RIMS2: variants seen among roughly 807,000 people sequenced by gnomAD.
RIMS2 encodes the protein regulating synaptic membrane exocytosis 2, also known as regulating synaptic membrane exocytosis protein 2.
Under a neutral mutation model 174.4 loss-of-function variants are expected in RIMS2, and 59 were observed. The observed-to-expected ratio is 0.34, with a 90% CI of 0.27 to 0.42. The LOEUF is 0.42. RIMS2 is among the 10% of genes least tolerant of loss of function. The pLI is 1.00. For synonymous variants in RIMS2, 606 were observed against 572.5 expected (o/e 1.06, Z -0.84); for missense variants, 1,620 against 1,666.3 (o/e 0.97, Z 0.48).
At chr8:103,750,006 AT>A (rs912000561) in intron 2 of RIMS2, among the ~76,000 whole-genome samples, 13 of 151,488 alleles carry the variant, frequency 8.6e-5, no homozygotes, top group African/African-American at 2.2e-4. Context: ...CCTCCAAGTA[AT>A]TTTTTTTTAA....
At chr8:103,839,236 G>C (rs2098924751) in intron 3 of RIMS2, among the ~76,000 whole-genome samples, 1 of 152,052 alleles carries the variant, frequency 6.6e-6, no homozygotes, top group Admixed American at 6.6e-5. Context: ...TTGACTTTTT[G>C]TTCTCATTGT....
At chr8:103,610,898 G>T (rs1181801840) in intron 1 of RIMS2, among the ~76,000 whole-genome samples, 2 of 152,166 alleles carry the variant, frequency 1.3e-5, no homozygotes, top group African/African-American at 2.4e-5. Flanking sequence ...AATAGGAATG[G>T]TATCAACTCT....
chr8:103,834,728 CTTTCTTTCTTTCT>C (rs2098854102), intron 3 of RIMS2, among the ~76,000 whole-genome samples: 1 of 120,948 alleles, frequency 8.3e-6, no homozygotes, highest in Non-Finnish European at 1.7e-5. Context: ...TTCTTTCTTT[CTTTCTTTCTTTCT>C]TTCTCTCTCT....
intron 14 of RIMS2, among the ~76,000 whole-genome samples, chr8:103,954,066 T>C (rs2086320319): frequency 6.6e-6 from 1 of 152,178 alleles, no homozygotes. Flanking sequence ...ATTCTAACAA[T>C]ATATGCATCC....
At chr8:104,079,129 C>T (rs2097356743) in intron 19 of RIMS2, among the ~76,000 whole-genome samples, 1 of 151,844 alleles carries the variant, frequency 6.6e-6, no homozygotes, top group Non-Finnish European at 1.5e-5. Flanking sequence ...AAAACAGCAA[C>T]TTGTATATTA....
chr8:104,069,292 G>C, intron 19 of RIMS2, among the ~76,000 whole-genome samples: 1 of 152,050 alleles, frequency 6.6e-6, no homozygotes, highest in East Asian at 1.9e-4. Context: ...AACTTACAGT[G>C]GGTTCATTGG....
chr8:103,863,950 C>A (rs2099072489), intron 3 of RIMS2, among the ~76,000 whole-genome samples: 1 of 148,168 alleles, frequency 6.7e-6, no homozygotes, highest in Non-Finnish European at 1.5e-5. Context: ...GCTCTGTCGT[C>A]CAGGCAGGAG....
chr8:104,106,643 A>G (rs2098073228), intron 19 of RIMS2, among the ~76,000 whole-genome samples: 1 of 152,198 alleles, frequency 6.6e-6, no homozygotes, highest in South Asian at 2.1e-4. Flanking sequence ...TAGAGAAATC[A>G]TGAAATTGGA....
At chr8:104,199,424 G>T (rs2099042982) in intron 19 of RIMS2, among the ~76,000 whole-genome samples, 1 of 152,298 alleles carries the variant, frequency 6.6e-6, no homozygotes, top group Admixed American at 6.5e-5. Flanking sequence ...ATGTTAAGAT[G>T]TAAAGGGAGG....
chr8:103,935,477 G>C (rs756476058), intron 12 of RIMS2, among the ~76,000 whole-genome samples: 1 of 152,146 alleles, frequency 6.6e-6, no homozygotes, highest in Non-Finnish European at 1.5e-5. Context: ...AGAAGAAGTT[G>C]CATTACTTCC....
Position 104,093,340 on chromosome 8 carries a change from T to G in RIMS2, c.3334+78725T>G. The G allele has an allele frequency of 5.1e-6, 3 of 588,728 alleles. No homozygotes were observed. The South Asian group carries it at 8.5e-5, about 17-fold the overall frequency. 36.5% of individuals were successfully genotyped at this position (588,728 alleles called of 1,614,324 possible). ...AGGATAATTGCCATTCACTTTTGTT[T>G]TATATGCAACTGAGTGGGATTTTGC... On this transcript the variant is annotated intron_variant, in intron 19 of 23. Transcript: ENST00000504942.
At chr8:104,247,702 T>G (rs927366874) in intron 20 of RIMS2, among the ~76,000 whole-genome samples, 1 of 152,142 alleles carries the variant, frequency 6.6e-6, no homozygotes, top group Non-Finnish European at 1.5e-5. Flanking sequence ...GTGTTTGCAG[T>G]CGGGGGACAG....
chr8:103,855,769 A>T (rs2154494809), intron 3 of RIMS2, among the ~76,000 whole-genome samples: 1 of 152,258 alleles, frequency 6.6e-6, no homozygotes, highest in African/African-American at 2.4e-5. Context: ...ATGCTTTATG[A>T]CTGAGCACAT....
At chr8:103,766,325 T>C (rs2098170735) in exon 3 of RIMS2, 2 of 1,613,228 alleles carry the variant, frequency 1.2e-6, no homozygotes, top group African/African-American at 1.3e-5. Context: ...CACAGCAACC[T>C]GATCAAAAGG....
intron 19 of RIMS2, among the ~76,000 whole-genome samples, chr8:104,226,989 G>A (rs898725788): frequency 3.3e-5 from 5 of 152,066 alleles, no homozygotes; most frequent in East Asian, 1.9e-4. Flanking sequence ...CACTTTCTAT[G>A]TGCCACATTC....
chr8:103,910,291 C>CTTTTTTTTTTT, intron 5 of RIMS2, 30 bp from the exon 8 acceptor site: 2 of 1,284,564 alleles, frequency 1.6e-6, no homozygotes, highest in Non-Finnish European at 2.1e-6. Flanking sequence ...TTTTTTGTAT[C>CTTTTTTTTTTT]TTTTTTTTTT....
chr8:103,718,256 T>C (rs1419678600), intron 2 of RIMS2, among the ~76,000 whole-genome samples: 1 of 152,214 alleles, frequency 6.6e-6, no homozygotes, highest in Non-Finnish European at 1.5e-5. Flanking sequence ...GGCAGCTAGA[T>C]AGGTTAACCA....
intron 2 of RIMS2, among the ~76,000 whole-genome samples, chr8:103,701,108 C>T (rs2097161521): frequency 6.6e-6 from 1 of 151,822 alleles, no homozygotes; most frequent in East Asian, 1.9e-4. Flanking sequence ...TCTGGTATCA[C>T]ATTTTGTCTG....
rs368851079 is a variant in RIMS2 at position 104,248,891 on chromosome 8, T to TTCTCTCTCTCTCTCTCTCTCTCTCTCTC, written c.3589+99_3589+100insCTCTCTCTCTCTCTCTCTCTCTCTCTCT. 61 of 629,270 alleles carry TTCTCTCTCTCTCTCTCTCTCTCTCTCTC rather than the reference T, an allele frequency of 9.7e-5. 1 individual carries two copies. The highest frequency in any genetic ancestry group is 7.3e-4 in the East Asian group (25 of 34,044). 39.0% of individuals were successfully genotyped at this position (629,270 alleles called of 1,614,324 possible). A position where few individuals can be genotyped will look rare whatever the true frequency, so the allele number is the denominator to read the frequency against. ...GAAATTCTCTAAATTTCATAGAATC[T>TTCTCTCTCTCTCTCTCTCTCTCTCTCTC]TCTCTCTCTCTCTCTCTCTCTTTCC... On this transcript the variant is annotated intron_variant, in intron 21 of 23. Transcript: ENST00000504942.
Sources: allele counts gnomAD v4.1 joint callset (sites outside exome capture counted in the v4.1 genomes callset), GRCh38; gene constraint gnomAD v4.1.1; transcripts MANE v1.5; gene names NCBI Gene and HGNC (gene_info 2026-07-23, HGNC 2026-07-21).